FRY: variants seen among roughly 807,000 people sequenced by gnomAD.
The protein encoded by FRY is FRY microtubule binding protein.
In FRY, 128 loss-of-function variants were observed where a neutral mutation model predicts 348.4. That is an observed-to-expected ratio of 0.37 (90% CI 0.32 to 0.43). FRY has a LOEUF of 0.43. Ranked by LOEUF, FRY falls within the 20% of genes least tolerant of loss-of-function variation. The pLI is 1.00. For synonymous variants in FRY, 1,370 were observed against 1,374.7 expected, an observed-to-expected ratio of 1.00 and a Z score of 0.08; for missense variants, 2,736 against 3,695.2, an observed-to-expected ratio of 0.74 and a Z score of 6.73.
At chr13:32,218,893 A>G (rs1195353488) in intron 36 of FRY, 62 bp downstream of exon 36, 2 of 915,970 alleles carry the variant, frequency 2.2e-6, no homozygotes, top group Non-Finnish European at 3.6e-6. Context: ...ATGGAAAATG[A>G]GTGTTCTGAT....
Position 32,098,695 on chromosome 13 carries a change from C to G in FRY, c.271-3268C>G, listed in dbSNP as rs61946694. On this transcript the variant is annotated intron_variant, in intron 2 of 60. Coordinates refer to ENST00000542859, the MANE Select transcript of FRY (RefSeq NM_023037.3). ...CACATTTCCCCTCTCAGACTCGACT[C>G]TTCTCCCCAGTAGTGTGTATCGTGT... Among the ~76,000 whole-genome samples, 219 of 152,134 alleles carry G rather than the reference C, an allele frequency of 1.4e-3. 2 individuals carry two copies. Among genetic ancestry groups the G allele is most frequent in the Non-Finnish European group, 1.9e-3 (132 of 68,020 alleles).
chr13:32,220,862 C>T (rs1401888444), intron 36 of FRY, among the ~76,000 whole-genome samples: 1 of 152,156 alleles, frequency 6.6e-6, no homozygotes, highest in Non-Finnish European at 1.5e-5. Context: ...ACTGACTTAT[C>T]CTGGATGATT....
intron 54 of FRY, 35 bp downstream of exon 54, chr13:32,265,651 A>G: frequency 6.3e-7 from 1 of 1,596,628 alleles, no homozygotes; most frequent in Non-Finnish European, 8.6e-7. Context: ...AGTGGTGTGA[A>G]TGTGCATGGT....
At chr13:32,143,567 G>A (rs530776837) in intron 11 of FRY, among the ~76,000 whole-genome samples, 10 of 152,074 alleles carry the variant, frequency 6.6e-5, no homozygotes, top group Non-Finnish European at 8.8e-5. Flanking sequence ...TAGAGATCTC[G>A]GTTATGGTCT....
At position 32,239,144 on chromosome 13, in the gene FRY, A is replaced by C. The variant is rs1886373951; in HGVS notation, c.6419-108A>C. 1 of 773,564 alleles carries C rather than the reference A, an allele frequency of 1.3e-6. No individual in the cohort carries two copies. Among genetic ancestry groups the C allele is most frequent in the Admixed American group, 1.8e-5 (1 of 57,020 alleles). The allele number at this position is 773,564 out of a possible 1,614,324, so 47.9% of individuals were successfully genotyped here. Reference sequence around the variant, plus strand: ...AGATCATGTTTAAGCTGATTCAAAAAACTGCTTTTGCATCACCTCAGTATA... The same window carrying C: ...AGATCATGTTTAAGCTGATTCAAAACACTGCTTTTGCATCACCTCAGTATA... On this transcript the variant is annotated intron_variant, in intron 44 of 60. Coordinates refer to ENST00000542859, the MANE Select transcript of FRY (RefSeq NM_023037.3). The surrounding 1 kb of genome is among the most constrained non-coding windows in gnomAD (Gnocchi z 4.3).
intron 3 of FRY, among the ~76,000 whole-genome samples, chr13:32,114,250 A>G (rs919571950): frequency 6.6e-6 from 1 of 152,232 alleles, no homozygotes; most frequent in Non-Finnish European, 1.5e-5. Context: ...AGTTGCAAAG[A>G]TAATTCAGGC....
At chr13:32,199,930 C>A (rs77624861) in intron 29 of FRY, among the ~76,000 whole-genome samples, 3,420 of 152,240 alleles carry the variant, frequency 0.022, 59 homozygotes, top group Non-Finnish European at 0.034. Flanking sequence ...TTATTCCTTG[C>A]AGTTATAGAG....
At chr13:32,211,116 GTGTT>G in intron 34 of FRY, 82 bp downstream of exon 34, 1 of 1,306,654 alleles carries the variant, frequency 7.7e-7, no homozygotes, top group Non-Finnish European at 1.1e-6. Flanking sequence ...ATATGAGAAT[GTGTT>G]TGTTACTTTT....
chr13:32,201,844 C>G (rs190667374), intron 29 of FRY, 97 bp from the exon 30 acceptor site: 1 of 781,552 alleles, frequency 1.3e-6, no homozygotes, highest in African/African-American at 1.7e-5. Flanking sequence ...AATAAGTGAC[C>G]GAGGTCAGCA....
In FRY at chr13:32,186,245, T is replaced by C; in HGVS notation, c.3320-15T>C. The C allele has an allele frequency of 6.2e-7, 1 of 1,600,662 alleles. No individual in the cohort carries two copies. ...TGTCCAGTCTTATAACCTCTAAGTG[T>C]GTTTTTCTCCCTAGTTCACCACCGA... On this transcript the variant is annotated splice_polypyrimidine_tract_variant and intron_variant, in intron 26 of 60. Transcript: ENST00000542859.
chr13:32,179,018 G>A lies in FRY; in HGVS notation c.2856G>A (p.Val952=), dbSNP rs769179075. The A allele has an allele frequency of 3.1e-6, 5 of 1,613,152 alleles. No individual in the cohort carries two copies. Among genetic ancestry groups the A allele is most frequent in the Non-Finnish European group, 4.2e-6 (5 of 1,179,178 alleles). Residue 952 remains valine (V), a synonymous_variant, in exon 22 of 61, where the codon GTG becomes GTA. Coordinates refer to ENST00000542859, the MANE Select transcript of FRY (RefSeq NM_023037.3). ...TGGCGACCACACCTGATGGTACAGT[G>A]AGCTACGATAACAAGGTGACATGAC... ...EIMATTPDGT[V]SYDNKAIGTP... is the part of the protein sequence containing the mutation.
intron 51 of FRY, among the ~76,000 whole-genome samples, chr13:32,259,862 G>GA (rs929153980): frequency 4.6e-5 from 7 of 151,628 alleles, no homozygotes; most frequent in African/African-American, 7.3e-5. Context: ...CAAAAAAAAA[G>GA]AAAAAAACAT....
intron 17 of FRY, among the ~76,000 whole-genome samples, chr13:32,167,563 A>G (rs1345354379): frequency 6.6e-6 from 1 of 152,212 alleles, no homozygotes; most frequent in Non-Finnish European, 1.5e-5. Flanking sequence ...TACATCTGCA[A>G]TGACCTCATT....
At chr13:32,246,754 G>T (rs1456991709) in intron 47 of FRY, among the ~76,000 whole-genome samples, 1 of 152,226 alleles carries the variant, frequency 6.6e-6, no homozygotes, top group Non-Finnish European at 1.5e-5. Context: ...GCCAGTGCCA[G>T]CAGGAATGCC....
rs531312091 is a variant in FRY, at chr13:32,118,637, C to T, written c.464+1164C>T. Among the ~76,000 whole-genome samples, 172 of 152,192 alleles carry T rather than the reference C, an allele frequency of 1.1e-3. 1 individual carries two copies. Among genetic ancestry groups the T allele is most frequent in the African/African-American group, 4.0e-3 (165 of 41,534 alleles). On this transcript the variant is annotated intron_variant, in intron 4 of 60. Transcript: ENST00000542859. Reference sequence around the variant, plus strand: ...TAACTCAGATGCCATAAAATTCACCCTTTTAAAGTATATAATTCAATGTTT... The same window carrying T: ...TAACTCAGATGCCATAAAATTCACCTTTTTAAAGTATATAATTCAATGTTT...
intron 17 of FRY, among the ~76,000 whole-genome samples, chr13:32,170,577 C>T (rs1211254590): frequency 6.6e-6 from 1 of 152,158 alleles, no homozygotes; most frequent in Non-Finnish European, 1.5e-5. Flanking sequence ...AACTCTGTTG[C>T]CCAGGCTAGA....
intron 3 of FRY, among the ~76,000 whole-genome samples, chr13:32,106,026 T>C (rs1877522873): frequency 6.7e-6 from 1 of 149,224 alleles, no homozygotes; most frequent in South Asian, 2.1e-4. Context: ...TTCCAGCAAC[T>C]CCAAGAAGGT....
chr13:32,123,299 G>A (rs554284940), intron 4 of FRY, among the ~76,000 whole-genome samples: 1 of 152,276 alleles, frequency 6.6e-6, no homozygotes, highest in South Asian at 2.1e-4. Context: ...TATACTATAA[G>A]GCCATAGTCA....
At chr13:32,079,373 C>A (rs966999368) in intron 2 of FRY, among the ~76,000 whole-genome samples, 8 of 151,536 alleles carry the variant, frequency 5.3e-5, no homozygotes, top group Non-Finnish European at 1.5e-5. Context: ...ATATATATCT[C>A]ATATATATAT....
Sources: allele counts gnomAD v4.1 joint callset (sites outside exome capture counted in the v4.1 genomes callset), GRCh38; gene constraint gnomAD v4.1.1; non-coding constraint Gnocchi (gnomAD v3.1); transcripts MANE v1.5; gene names NCBI Gene and HGNC (gene_info 2026-07-23, HGNC 2026-07-21).